The following ASB5 variants were observed in gnomAD, a reference collection of about 807,000 sequenced individuals.
The protein encoded by ASB5 is ankyrin repeat and SOCS box containing 5.
Under a neutral mutation model 42.1 loss-of-function variants are expected in ASB5, and 45 were observed. The observed-to-expected ratio is 1.07, with a 90% CI of 0.84 to 1.37. ASB5 has a LOEUF of 1.37. Among genes scored for constraint, ASB5 ranks in the 40% most tolerant of loss-of-function variants. The pLI is 0.00. For missense variants in ASB5, 402 were observed against 399.8 expected, an observed-to-expected ratio of 1.01 and a Z score of -0.05; for synonymous variants, 147 against 150.6, an observed-to-expected ratio of 0.98 and a Z score of 0.18.
chr4:176,250,174 C>T (rs1487526437), intron 1 of ASB5, among the ~76,000 whole-genome samples: 16 of 152,082 alleles, frequency 1.1e-4, no homozygotes, highest in Admixed American at 1.0e-3. Flanking sequence ...TATTTGGTGA[C>T]TCAGTGCAGC....
At position 176,222,352 on chromosome 4, in the gene ASB5, G is replaced by A. The variant is rs764760283; in HGVS notation, c.345C>T (p.His115=). ...CCAGCAGAGTTCTGGCACATGCCAC[G>A]TGATCTCCAAGGCAGGCTTCGTGCA... ...TPLHEACLGD[H]VACARTLLEA... Residue 115 remains histidine, a synonymous_variant, in exon 3 of 7, where the codon CAC becomes CAT. Coordinates refer to ENST00000296525, the MANE Select transcript of ASB5 (RefSeq NM_080874.4). The A allele has an allele frequency of 1.2e-5, 20 of 1,613,832 alleles. No individual in the cohort carries two copies. Among genetic ancestry groups the A allele is most frequent in the South Asian group, 2.2e-5 (2 of 91,056 alleles).
upstream of ASB5, among the ~76,000 whole-genome samples, chr4:176,272,941 CTTT>C (rs60310080): frequency 4.2e-4 from 47 of 110,950 alleles, no homozygotes; most frequent in Middle Eastern, 5.3e-3. Flanking sequence ...CTTCGATGAC[CTTT>C]TTTTTTTTTT....
At chr4:176,266,989 T>A (rs1020317775) in intron 1 of ASB5, among the ~76,000 whole-genome samples, 1 of 152,192 alleles carries the variant, frequency 6.6e-6, no homozygotes, top group Middle Eastern at 3.2e-3. Flanking sequence ...TGTTTCTTTT[T>A]ATTTGAAAAT....
chr4:176,225,715 G>A (rs1314721766), intron 1 of ASB5, among the ~76,000 whole-genome samples: 2 of 152,032 alleles, frequency 1.3e-5, no homozygotes, highest in Non-Finnish European at 2.9e-5. Flanking sequence ...TCAGTTTCTC[G>A]AGTAGCAGGG....
At chr4:176,258,925 T>C (rs1157210288) in intron 1 of ASB5, among the ~76,000 whole-genome samples, 1 of 152,218 alleles carries the variant, frequency 6.6e-6, no homozygotes, top group Non-Finnish European at 1.5e-5. Context: ...GTCACACCAA[T>C]TAGATATGCA....
chr4:176,257,890 T>C (rs1207213595), intron 1 of ASB5, among the ~76,000 whole-genome samples: 2 of 152,166 alleles, frequency 1.3e-5, no homozygotes, highest in East Asian at 1.9e-4. Flanking sequence ...AATTGTTACA[T>C]TGGCAGATAA....
At chr4:176,269,370 T>A (rs1229514731), upstream of ASB5, 1 of 329,058 alleles carries the variant, frequency 3.0e-6, no homozygotes, top group Admixed American at 4.8e-5. Context: ...ACACTCCACC[T>A]CTGTGCTCCA....
At chr4:176,232,923 C>G (rs1346432782) in intron 1 of ASB5, among the ~76,000 whole-genome samples, 1 of 152,142 alleles carries the variant, frequency 6.6e-6, no homozygotes, top group East Asian at 1.9e-4. Context: ...TCACTGGTGC[C>G]ATGGATAGAG....
intron 1 of ASB5, among the ~76,000 whole-genome samples, chr4:176,233,480 A>G (rs10471165): frequency 0.019 from 2,915 of 152,286 alleles, 110 homozygotes; most frequent in African/African-American, 0.066. Context: ...AAGATTAGCT[A>G]GTCTTTTTTC....
At chr4:176,241,272 T>C (rs1438705248) in intron 1 of ASB5, among the ~76,000 whole-genome samples, 1 of 152,210 alleles carries the variant, frequency 6.6e-6, no homozygotes, top group African/African-American at 2.4e-5. Flanking sequence ...GATATAACTT[T>C]TAAGTCCTTT....
At position 176,250,020 on chromosome 4, in the gene ASB5, A is replaced by C. The variant is rs182032476; in HGVS notation, c.196+18893T>G. Among the ~76,000 whole-genome samples the C allele has an allele frequency of 1.9e-4, 28 of 150,478 alleles. 1 individual carries two copies. The highest frequency in any genetic ancestry group is 1.7e-3 in the South Asian group (8 of 4,698). Reference sequence around the variant, plus strand: ...GCGGAGCTTGCAGTGAGCCGAGATCACACCACTGCACTCCAGCCTGGGTGA... The same window carrying C: ...GCGGAGCTTGCAGTGAGCCGAGATCCCACCACTGCACTCCAGCCTGGGTGA... On this transcript the variant is annotated intron_variant, in intron 1 of 6. Coordinates refer to ENST00000296525, the MANE Select transcript of ASB5 (RefSeq NM_080874.4).
chr4:176,216,952 T>G lies in ASB5; in HGVS notation c.728A>C (p.Gln243Pro), dbSNP rs760402564. 5.1e-5 allele frequency: 82 copies of G among 1,613,800 alleles called. No individual in the cohort carries two copies. The highest frequency in any genetic ancestry group is 1.7e-6 in the Non-Finnish European group (2 of 1,179,914). Residue 243 changes from glutamine to proline, a missense_variant, in exon 6 of 7, where the codon CAA becomes CCA. Physicochemically the swap from Gln to Pro is moderately conservative, Grantham distance 76 (BLOSUM62 -1). Transcript: ENST00000296525. ...WDTPLHAAAQ[Q>P]SSTEIVNLLL... ...TAAGTTTACAATTTCTGTGCTGGAT[T>G]GTTGAGCAGCAGCATGTAATGGAGT...
chr4:176,266,854 A>G (rs1444557687), intron 1 of ASB5, among the ~76,000 whole-genome samples: 1 of 152,160 alleles, frequency 6.6e-6, no homozygotes, highest in Non-Finnish European at 1.5e-5. Flanking sequence ...GAGACAAAAA[A>G]TCCTAGAATT....
chr4:176,270,495 C>G (rs1754449033), upstream of ASB5, among the ~76,000 whole-genome samples: 1 of 152,006 alleles, frequency 6.6e-6, no homozygotes, highest in Admixed American at 6.6e-5. Flanking sequence ...AAGCAGGCTG[C>G]TTCTTTCCCC....
At chr4:176,272,777 C>T (rs1190296337), upstream of ASB5, among the ~76,000 whole-genome samples, 2 of 152,020 alleles carry the variant, frequency 1.3e-5, no homozygotes, top group Non-Finnish European at 2.9e-5. Context: ...GGGAATTTTG[C>T]ATCTAGAGAT....
At chr4:176,237,472 C>T (rs1010876103) in intron 1 of ASB5, 16 of 985,756 alleles carry the variant, frequency 1.6e-5, no homozygotes, top group Non-Finnish European at 1.1e-5. Context: ...TGCAAATGCT[C>T]TAGCAAGAAG....
intron 2 of ASB5, among the ~76,000 whole-genome samples, chr4:176,224,392 G>A (rs1292406381): frequency 6.6e-6 from 1 of 151,936 alleles, no homozygotes; most frequent in Non-Finnish European, 1.5e-5. Flanking sequence ...AAGCCACCAT[G>A]CCCGGATCAT....
At chr4:176,273,044 G>T (rs1433724137), upstream of ASB5, among the ~76,000 whole-genome samples, 1 of 149,376 alleles carries the variant, frequency 6.7e-6, no homozygotes, top group Admixed American at 6.8e-5. Context: ...CGACCTCCCA[G>T]GCTCAAGCAG....
chr4:176,225,398 A>C (rs1214006481), intron 1 of ASB5, 57 bp from the exon 2 acceptor site: 2 of 1,408,248 alleles, frequency 1.4e-6, no homozygotes, highest in Non-Finnish European at 2.0e-6. Flanking sequence ...GTCAAAGTGA[A>C]TCCCAGTAGA....
Sources: gnomAD v4.1 joint callset for allele counts (sites outside exome capture counted in the v4.1 genomes callset) on GRCh38, gnomAD v4.1.1 for gene constraint, MANE v1.5 for transcripts, NCBI Gene and HGNC (gene_info 2026-07-23, HGNC 2026-07-21) for gene names.